The following NEK7 variants were observed in gnomAD, a reference collection of about 807,000 sequenced individuals.
NEK7 encodes NIMA related kinase 7.
In NEK7, 18 loss-of-function variants were observed where a neutral mutation model predicts 44.6. The ratio of observed to expected loss-of-function variants is 0.40; its 90% CI spans 0.28 to 0.60. NEK7 has a LOEUF of 0.60. Ranked by LOEUF, NEK7 falls within the 20% of genes least tolerant of loss-of-function variation. The pLI is 0.38. For missense variants in NEK7, 256 were observed against 366.5 expected (o/e 0.70, Z 2.46); for synonymous variants, 130 against 121.1 (o/e 1.07, Z -0.48).
intron 1 of NEK7, among the ~76,000 whole-genome samples, chr1:198,204,240 A>T (rs933818739): frequency 1.3e-5 from 2 of 152,174 alleles, no homozygotes; most frequent in African/African-American, 2.4e-5. Context: ...AGCCCGTGTG[A>T]CAGAGTAAGA....
chr1:198,292,689 T>C (rs1231645075), intron 7 of NEK7, among the ~76,000 whole-genome samples: 3 of 151,942 alleles, frequency 2.0e-5, no homozygotes, highest in Admixed American at 6.6e-5. Flanking sequence ...TATGCTCCGT[T>C]GATTCTTCTT....
At chr1:198,274,591 G>A (rs888152215) in intron 5 of NEK7, among the ~76,000 whole-genome samples, 3 of 151,684 alleles carry the variant, frequency 2.0e-5, no homozygotes, top group Admixed American at 6.6e-5. Context: ...CTCTGTTGAT[G>A]AGGTTATGCT....
rs376708559 is a variant in NEK7, at chr1:198,280,375, A to G, written c.589+1314A>G. ...CTAGTTTAGTTAGAAATGCCAGGCT[A>G]CAATTACACACACACACCTGCACAT... is the stretch of plus-strand genomic sequence containing the variant. On this transcript the variant is annotated intron_variant, in intron 7 of 9. Coordinates refer to ENST00000367385, the MANE Select transcript of NEK7 (RefSeq NM_133494.3). Among the ~76,000 whole-genome samples the G allele has an allele frequency of 3.0e-4, 45 of 152,214 alleles. 2 individuals carry two copies. The South Asian group carries it at 6.8e-3, about 23-fold the overall frequency.
Position 198,242,775 on chromosome 1 carries a change from T to C in NEK7, c.57+10138T>C, listed in dbSNP as rs531431580. Among the ~76,000 whole-genome samples, 24 of 151,792 alleles carry C rather than the reference T, an allele frequency of 1.6e-4. No individual in the cohort carries two copies. The South Asian group carries it at 3.3e-3, about 21-fold the overall frequency. ...CCGTGCCTGGCCAATCTCAGCTCAC[T>C]TTTTGTATTTTATTTTTAGTTTTTA... On this transcript the variant is annotated intron_variant, in intron 2 of 9. Coordinates refer to ENST00000367385, the MANE Select transcript of NEK7 (RefSeq NM_133494.3).
chr1:198,195,523 A>G (rs1448734092), intron 1 of NEK7, among the ~76,000 whole-genome samples: 1 of 152,202 alleles, frequency 6.6e-6, no homozygotes, highest in Non-Finnish European at 1.5e-5. Flanking sequence ...TGTCTTTGAA[A>G]TTTAACCTGA....
chr1:198,176,317 A>G (rs542409821), intron 1 of NEK7, among the ~76,000 whole-genome samples: 1 of 152,182 alleles, frequency 6.6e-6, no homozygotes, highest in Non-Finnish European at 1.5e-5. Context: ...TACGTATTTT[A>G]AAAAAGGCTA....
At chr1:198,310,885 T>G (rs1421763708) in intron 9 of NEK7, among the ~76,000 whole-genome samples, 1 of 151,082 alleles carries the variant, frequency 6.6e-6, no homozygotes, top group African/African-American at 2.4e-5. Flanking sequence ...GCCTCCAGCT[T>G]TGTTCTTTTC....
At chr1:198,263,741 G>A (rs1653555697) in intron 4 of NEK7, among the ~76,000 whole-genome samples, 1 of 151,856 alleles carries the variant, frequency 6.6e-6, no homozygotes, top group Admixed American at 6.6e-5. Flanking sequence ...AGTAAAAAGG[G>A]ATACTTTATT....
intron 1 of NEK7, among the ~76,000 whole-genome samples, chr1:198,211,262 A>G (rs184998126): frequency 6.6e-6 from 1 of 152,340 alleles, no homozygotes; most frequent in Non-Finnish European, 1.5e-5. Flanking sequence ...ACTTTAAAAA[A>G]GCTTTTAGCA....
chr1:198,315,329 A>C (rs991422408), intron 9 of NEK7, among the ~76,000 whole-genome samples: 2 of 152,122 alleles, frequency 1.3e-5, no homozygotes, highest in African/African-American at 2.4e-5. Flanking sequence ...ACCTGCGCCC[A>C]CTGTCTGGCA....
intron 3 of NEK7, among the ~76,000 whole-genome samples, chr1:198,256,901 A>G (rs754673824): frequency 1.3e-5 from 2 of 152,122 alleles, no homozygotes; most frequent in Non-Finnish European, 2.9e-5. Flanking sequence ...ATTTTATTAT[A>G]TTTTGCTCAT....
At chr1:198,205,038 T>TC (rs1353575019) in intron 1 of NEK7, among the ~76,000 whole-genome samples, 1 of 152,068 alleles carries the variant, frequency 6.6e-6, no homozygotes, top group African/African-American at 2.4e-5. Flanking sequence ...CTGCTCCCCG[T>TC]CCCCCCTTCC....
chr1:198,171,235 T>TC (rs1470391999), intron 1 of NEK7, among the ~76,000 whole-genome samples: 2 of 152,234 alleles, frequency 1.3e-5, no homozygotes, highest in Non-Finnish European at 2.9e-5. Context: ...TTTCTTTTTT[T>TC]CCCTTCAGAT....
chr1:198,279,095 T>C, intron 7 of NEK7, 34 bp downstream of exon 7: 4 of 1,251,342 alleles, frequency 3.2e-6, no homozygotes, highest in Non-Finnish European at 4.7e-6. Flanking sequence ...TTCAGTTACT[T>C]TGTGTATGTG....
rs190423638 is a variant in NEK7, at chr1:198,308,559, T to C, written c.799-10853T>C. Reference sequence around the variant, plus strand: ...TGCCTGAAATCTTAAAGGAACTTAATTGAGCATTCTGCTGGCATTGTTCTC... The same window carrying C: ...TGCCTGAAATCTTAAAGGAACTTAACTGAGCATTCTGCTGGCATTGTTCTC... On this transcript the variant is annotated intron_variant, in intron 9 of 9. Coordinates refer to ENST00000367385, the MANE Select transcript of NEK7 (RefSeq NM_133494.3). 9.7e-4 allele frequency among the ~76,000 whole-genome samples: 148 copies of C among 152,366 alleles called. 1 individual carries two copies. The Middle Eastern group carries it at 0.031, about 32-fold the overall frequency.
chr1:198,235,669 G>A (rs1666528067), intron 2 of NEK7, among the ~76,000 whole-genome samples: 1 of 152,118 alleles, frequency 6.6e-6, no homozygotes, highest in Non-Finnish European at 1.5e-5. Flanking sequence ...GGGTGAAGAT[G>A]GCTATGGTAG....
At chr1:198,296,961 C>T (rs189687981) in intron 8 of NEK7, among the ~76,000 whole-genome samples, 166 bp from the exon 9 acceptor site, 2 of 152,206 alleles carry the variant, frequency 1.3e-5, no homozygotes, top group African/African-American at 4.8e-5. Flanking sequence ...AGATTTTTAA[C>T]TCTTAATAAA....
At chr1:198,167,057 G>T (rs1478585953) in intron 1 of NEK7, among the ~76,000 whole-genome samples, 1 of 152,222 alleles carries the variant, frequency 6.6e-6, no homozygotes, top group Non-Finnish European at 1.5e-5. Flanking sequence ...AAGTCAGGGT[G>T]TTGACAGTGC....
chr1:198,261,857 T>G (rs895461236), intron 3 of NEK7, among the ~76,000 whole-genome samples: 6 of 151,926 alleles, frequency 3.9e-5, no homozygotes, highest in Admixed American at 6.6e-5. Context: ...GTTTAGACAT[T>G]TCTTCCTAAT....
Sources: gnomAD v4.1 joint callset for allele counts (sites outside exome capture counted in the v4.1 genomes callset) on GRCh38, gnomAD v4.1.1 for gene constraint, MANE v1.5 for transcripts, NCBI Gene and HGNC (gene_info 2026-07-23, HGNC 2026-07-21) for gene names.